The following LRRC1 variants were observed in gnomAD, a reference collection of about 807,000 sequenced individuals.
The protein encoded by LRRC1 is leucine-rich repeat-containing protein 1.
Under a neutral mutation model 69.9 loss-of-function variants are expected in LRRC1, and 28 were observed. The ratio of observed to expected loss-of-function variants is 0.40; its 90% confidence interval spans 0.30 to 0.55. The LOEUF (loss-of-function observed/expected upper bound fraction) is 0.55. LRRC1 is among the 20% of genes least tolerant of loss of function. The pLI is 0.47. For missense variants in LRRC1, 498 were observed against 609.0 expected (o/e 0.82, Z 1.92); for synonymous variants, 236 against 240.2 (o/e 0.98, Z 0.16).
chr6:53,906,503 CTCT>C (rs1768243147), intron 10 of LRRC1, among the ~76,000 whole-genome samples: 1 of 152,208 alleles, frequency 6.6e-6, no homozygotes, highest in Admixed American at 6.5e-5. Context: ...TCCCCTGACT[CTCT>C]TTCACAAGAT....
At position 53,894,743 on chromosome 6, in the gene LRRC1, A is replaced by T. The variant is rs139506671; in HGVS notation, c.447-1755A>T. 5.0e-3 allele frequency among the ~76,000 whole-genome samples: 756 copies of T among 152,124 alleles called. 4 individuals carry two copies. Among genetic ancestry groups the T allele is most frequent in the South Asian group, 7.7e-3 (37 of 4,814 alleles). ...ATTATGATTTACAGATTATTTACAG[A>T]TTGCTTTTGGAAGGAGATACTGGGT... On this transcript the variant is annotated intron_variant, in intron 4 of 13. Transcript: ENST00000370888.
intron 1 of LRRC1, among the ~76,000 whole-genome samples, chr6:53,832,882 T>C (rs1765469539): frequency 6.6e-6 from 1 of 152,232 alleles, no homozygotes; most frequent in African/African-American, 2.4e-5. Context: ...ACTGTACATA[T>C]ATACAATTTT....
rs146622575 is a variant in LRRC1, at chr6:53,915,729, G to A, written c.1106+1760G>A. On this transcript the variant is annotated intron_variant, in intron 11 of 13. Transcript: ENST00000370888. The stretch of plus-strand genomic sequence containing the variant: ...ATGGAGAAAACCCAATTAAAAAGTC[G>A]AGTTACATAGCTGTCATTTGAGTCA... Among the ~76,000 whole-genome samples the A allele has an allele frequency of 6.5e-3, 990 of 152,240 alleles. 6 individuals are homozygous for A. Among genetic ancestry groups the A allele is most frequent in the African/African-American group, 0.022 (934 of 41,554 alleles).
intron 13 of LRRC1, among the ~76,000 whole-genome samples, chr6:53,922,263 A>AT (rs1442007950): frequency 4.6e-5 from 7 of 152,040 alleles, no homozygotes; most frequent in Non-Finnish European, 8.8e-5. Context: ...TTAATTTAGG[A>AT]TTTTTTATTT....
At chr6:53,891,135 T>C (rs1272277827) in intron 4 of LRRC1, among the ~76,000 whole-genome samples, 1 of 152,192 alleles carries the variant, frequency 6.6e-6, no homozygotes, top group Non-Finnish European at 1.5e-5. Flanking sequence ...AGAATTAGTG[T>C]GCTGAGAAGA....
chr6:53,818,743 C>A (rs963224979), intron 1 of LRRC1, among the ~76,000 whole-genome samples: 2 of 152,282 alleles, frequency 1.3e-5, no homozygotes. Flanking sequence ...TGAATCTTTT[C>A]CAGAATAGGC....
chr6:53,881,084 T>G (rs557303667), intron 3 of LRRC1, among the ~76,000 whole-genome samples: 18 of 152,386 alleles, frequency 1.2e-4, no homozygotes, highest in African/African-American at 4.3e-4. Flanking sequence ...TTGTTTGTTT[T>G]AATTCTGGCT....
chr6:53,858,295 T>C (rs1766383480), intron 2 of LRRC1, among the ~76,000 whole-genome samples: 1 of 152,140 alleles, frequency 6.6e-6, no homozygotes, highest in Non-Finnish European at 1.5e-5. Flanking sequence ...AAGCAATATA[T>C]GGTCATTAGA....
chr6:53,846,066 C>T (rs1205231634), intron 2 of LRRC1, among the ~76,000 whole-genome samples: 1 of 152,188 alleles, frequency 6.6e-6, no homozygotes, highest in Non-Finnish European at 1.5e-5. Flanking sequence ...CTGGATGTTT[C>T]CTTGCTCAAG....
intron 2 of LRRC1, among the ~76,000 whole-genome samples, chr6:53,868,637 C>G (rs886623963): frequency 2.6e-5 from 4 of 152,108 alleles, no homozygotes; most frequent in East Asian, 1.9e-4. Flanking sequence ...CCCCTTTATC[C>G]TGCTTAGATT....
intron 10 of LRRC1, among the ~76,000 whole-genome samples, chr6:53,909,428 T>C (rs1434001490): frequency 2.0e-5 from 3 of 152,180 alleles, no homozygotes; most frequent in Non-Finnish European, 2.9e-5. Flanking sequence ...CTTAGAAGCA[T>C]TGTTAAAGTG....
intron 1 of LRRC1, among the ~76,000 whole-genome samples, chr6:53,834,338 C>A (rs1223351193): frequency 1.3e-5 from 2 of 152,192 alleles, no homozygotes; most frequent in African/African-American, 2.4e-5. Flanking sequence ...GTTTCATTAG[C>A]ATGCTCTTTT....
chr6:53,833,903 A>C (rs1450046594), intron 1 of LRRC1, among the ~76,000 whole-genome samples: 2 of 152,174 alleles, frequency 1.3e-5, no homozygotes, highest in African/African-American at 4.8e-5. Flanking sequence ...GTCAATCAGT[A>C]TTTCAAATTC....
rs569292129 is a variant in LRRC1 at position 53,919,498 on chromosome 6, G to A, written c.1107G>A (p.Arg369=). Reference sequence around the variant, plus strand: ...TTTTTAAAAAAAAAAAAAAAAACAGGTTGCTGCATCTACCTTTATCCCTGA... The same window carrying A: ...TTTTTAAAAAAAAAAAAAAAAACAGATTGCTGCATCTACCTTTATCCCTGA... ...ELHVLDVAGN[R]LLHLPLSLTA... The change falls in exon 12 of 14, where the codon AGG becomes AGA. Residue 369 remains arginine (R), a splice_region_variant and synonymous_variant. Transcript: ENST00000370888. 1.0e-5 allele frequency: 15 copies of A among 1,488,094 alleles called. No homozygotes were observed. The highest frequency in any genetic ancestry group is 1.5e-5 in the African/African-American group (1 of 67,920). The allele number at this position is 1,488,094 out of a possible 1,614,324, so 92.2% of individuals were successfully genotyped here.
chr6:53,822,324 T>C (rs7753504), intron 1 of LRRC1, among the ~76,000 whole-genome samples: 129,216 of 152,180 alleles, frequency 0.85, 54,949 homozygotes, highest in East Asian at 0.96. Context: ...TAAAGGTCCA[T>C]ATGAAGCCAG....
intron 8 of LRRC1, among the ~76,000 whole-genome samples, chr6:53,900,241 G>A (rs1345954810): frequency 1.3e-5 from 2 of 151,854 alleles, no homozygotes; most frequent in Non-Finnish European, 2.9e-5. Context: ...GTTTCACCCT[G>A]TTAGCCAGGA....
chr6:53,848,764 T>C (rs1766029119), intron 2 of LRRC1, among the ~76,000 whole-genome samples: 2 of 151,420 alleles, frequency 1.3e-5, no homozygotes, highest in South Asian at 4.2e-4. Context: ...CTTTTACTCT[T>C]TTTTTTTTCC....
rs558436689 is a variant in LRRC1, at chr6:53,875,920, T to C, written c.278-3073T>C. On this transcript the variant is annotated intron_variant, in intron 2 of 13. Coordinates refer to ENST00000370888, the MANE Select transcript of LRRC1 (RefSeq NM_018214.5). ...CTTTCTATATCCTCCTTTCACCCAT[T>C]TGAAACTATATATTATTGTTAACTG... is the stretch of plus-strand genomic sequence containing the variant. Among the ~76,000 whole-genome samples the C allele has an allele frequency of 2.0e-5, 3 of 152,320 alleles. No individual in the cohort carries two copies. The East Asian group carries it at 5.8e-4, about 29-fold the overall frequency.
chr6:53,896,016 T>C (rs1206496394), intron 4 of LRRC1, among the ~76,000 whole-genome samples: 1 of 152,220 alleles, frequency 6.6e-6, no homozygotes, highest in African/African-American at 2.4e-5. Flanking sequence ...TTGGACTCTC[T>C]GGACTGAGAT....
Sources: allele counts gnomAD v4.1 joint callset (sites outside exome capture counted in the v4.1 genomes callset), GRCh38; gene constraint gnomAD v4.1.1; transcripts MANE v1.5; gene names NCBI Gene and HGNC (gene_info 2026-07-23, HGNC 2026-07-21).